Variants in AK7 observed in about 807,000 individuals in gnomAD.
AK7 encodes the protein ATP-AMP transphosphorylase 7.
A neutral mutation model predicts 96.6 loss-of-function variants in AK7; 78 were observed. The observed-to-expected ratio is 0.81, with a 90% CI of 0.67 to 0.97. AK7 has a LOEUF of 0.97. AK7 is among the 50% of genes least tolerant of loss of function. The pLI is 0.00. For missense variants in AK7, 855 were observed against 887.9 expected (o/e 0.96, Z 0.47); for synonymous variants, 302 against 317.2 (o/e 0.95, Z 0.51).
chr14:96,438,893 A>G (rs1485310413), intron 6 of AK7, among the ~76,000 whole-genome samples: 2 of 152,144 alleles, frequency 1.3e-5, no homozygotes, highest in Non-Finnish European at 2.9e-5. Context: ...TTTTGAAGAG[A>G]GAGTCAATGG....
At chr14:96,469,074 C>G (rs1325790997) in intron 12 of AK7, among the ~76,000 whole-genome samples, 2 of 152,104 alleles carry the variant, frequency 1.3e-5, no homozygotes, top group African/African-American at 4.8e-5. Flanking sequence ...CTGGAGGTCC[C>G]TTCTTAATTA....
intron 1 of AK7, among the ~76,000 whole-genome samples, chr14:96,395,573 T>C (rs1191103455): frequency 1.3e-5 from 2 of 151,948 alleles, no homozygotes; most frequent in Admixed American, 1.3e-4. Flanking sequence ...CTGGGCATGG[T>C]GGCACACGCC....
intron 4 of AK7, among the ~76,000 whole-genome samples, chr14:96,419,903 C>T (rs1891578822): frequency 6.6e-6 from 1 of 151,296 alleles, no homozygotes; most frequent in Admixed American, 6.6e-5. Flanking sequence ...ATTCTCCTGC[C>T]TCAGCCTCCC....
At chr14:96,395,357 C>G (rs1289431403) in intron 1 of AK7, among the ~76,000 whole-genome samples, 3 of 151,966 alleles carry the variant, frequency 2.0e-5, no homozygotes, top group Non-Finnish European at 4.4e-5. Context: ...AGTGGGTTGT[C>G]CTAAAGGTCT....
chr14:96,415,644 C>A (rs1222090027), intron 4 of AK7, among the ~76,000 whole-genome samples: 1 of 151,250 alleles, frequency 6.6e-6, no homozygotes, highest in East Asian at 1.9e-4. Flanking sequence ...TTGCTGGTAG[C>A]CAAAAGCATC....
intron 5 of AK7, among the ~76,000 whole-genome samples, chr14:96,422,782 G>T (rs955244690): frequency 2.0e-5 from 3 of 152,156 alleles, no homozygotes; most frequent in Admixed American, 1.3e-4. Context: ...GTTTCAGGGG[G>T]TCGCCCTATA....
chr14:96,406,321 T>C (rs1890709275), intron 3 of AK7, among the ~76,000 whole-genome samples: 1 of 152,228 alleles, frequency 6.6e-6, no homozygotes, highest in Non-Finnish European at 1.5e-5. Context: ...GGCATTGGCC[T>C]TTCTTAGGAC....
At chr14:96,456,546 T>C in intron 11 of AK7, 71 bp downstream of exon 11, 1 of 1,539,816 alleles carries the variant, frequency 6.5e-7, no homozygotes, top group Non-Finnish European at 8.8e-7. Flanking sequence ...TAAAGATGTA[T>C]ATGATTCGAA....
chr14:96,466,947 C>G (rs569964046), intron 12 of AK7, among the ~76,000 whole-genome samples: 2 of 150,464 alleles, frequency 1.3e-5, no homozygotes, highest in East Asian at 3.9e-4. Context: ...TCTCGGGCAG[C>G]AATGCACATT....
At chr14:96,429,347 C>T (rs1016829697) in intron 5 of AK7, among the ~76,000 whole-genome samples, 3 of 152,162 alleles carry the variant, frequency 2.0e-5, no homozygotes, top group Admixed American at 1.3e-4. Flanking sequence ...CAGTACCATG[C>T]TGTTTTGGTT....
intron 4 of AK7, among the ~76,000 whole-genome samples, chr14:96,411,543 A>T (rs1891029506): frequency 6.6e-6 from 1 of 152,064 alleles, no homozygotes; most frequent in African/African-American, 2.4e-5. Context: ...AGGAAAAATT[A>T]TAGAATTTAT....
At chr14:96,440,121 G>T (rs936343068) in intron 6 of AK7, among the ~76,000 whole-genome samples, 2 of 152,052 alleles carry the variant, frequency 1.3e-5, no homozygotes, top group Non-Finnish European at 1.5e-5. Context: ...GATTACAGGT[G>T]TGTGCCACCA....
At chr14:96,487,258 G>A (rs61983064) in intron 17 of AK7, among the ~76,000 whole-genome samples, 2,102 of 148,748 alleles carry the variant, frequency 0.014, 19 homozygotes, top group Non-Finnish European at 0.023. Context: ...GGTGGCACGC[G>A]CTGTAGTCCC....
chr14:96,397,051 TG>T (rs569397290), intron 1 of AK7, among the ~76,000 whole-genome samples: 147 of 152,252 alleles, frequency 9.7e-4, no homozygotes, highest in African/African-American at 3.3e-3. Flanking sequence ...GAGCTATGCT[TG>T]CACCACTGCA....
intron 5 of AK7, among the ~76,000 whole-genome samples, chr14:96,428,386 C>T (rs990674995): frequency 5.3e-5 from 8 of 152,044 alleles, no homozygotes; most frequent in South Asian, 4.1e-4. Flanking sequence ...GAGTTGGTTC[C>T]GAGTCTTTGC....
At chr14:96,468,913 G>A (rs1331039840) in intron 12 of AK7, among the ~76,000 whole-genome samples, 1 of 151,864 alleles carries the variant, frequency 6.6e-6, no homozygotes, top group East Asian at 1.9e-4. Flanking sequence ...CAAACAGAAA[G>A]CGCAGTTGCC....
chr14:96,405,055 A>G, intron 3 of AK7, 190 bp downstream of exon 3: 2 of 339,066 alleles, frequency 5.9e-6, no homozygotes, highest in Non-Finnish European at 1.1e-5. Context: ...TTAATTATCA[A>G]AAAAATGAAG....
chr14:96,424,556 T>C (rs1891913710), intron 5 of AK7, among the ~76,000 whole-genome samples: 1 of 152,122 alleles, frequency 6.6e-6, no homozygotes, highest in Admixed American at 6.5e-5. Context: ...AGACCAGCGC[T>C]AAGTGAACGC....
At chr14:96,457,321 A>G (rs1009286354) in intron 11 of AK7, among the ~76,000 whole-genome samples, 1 of 152,152 alleles carries the variant, frequency 6.6e-6, no homozygotes, top group Non-Finnish European at 1.5e-5. Context: ...TTGGCCTCCC[A>G]AAGTGCTGGG....
Sources: gnomAD v4.1 joint callset for allele counts (sites outside exome capture counted in the v4.1 genomes callset) on GRCh38, gnomAD v4.1.1 for gene constraint, MANE v1.5 for transcripts, NCBI Gene and HGNC (gene_info 2026-07-23, HGNC 2026-07-21) for gene names.